PPP2R2B: variants seen among roughly 807,000 people sequenced by gnomAD.
PPP2R2B encodes the protein serine/threonine-protein phosphatase 2A 55 kDa regulatory subunit B beta isoform.
In PPP2R2B, 5 loss-of-function variants were observed where a neutral mutation model predicts 46.0. The ratio of observed to expected loss-of-function variants is 0.11; its 90% CI spans 0.06 to 0.23. The LOEUF (loss-of-function observed/expected upper bound fraction) is 0.23. Ranked by LOEUF, PPP2R2B falls within the 10% of genes least tolerant of loss-of-function variation. PPP2R2B has a pLI of 1.00. For synonymous variants in PPP2R2B, 215 were observed against 206.7 expected, an observed-to-expected ratio of 1.04 and a Z score of -0.34; for missense variants, 367 against 575.0, an observed-to-expected ratio of 0.64 and a Z score of 3.70.
intron 1 of PPP2R2B, among the ~76,000 whole-genome samples, chr5:147,052,883 A>C (rs1451288781): frequency 6.6e-6 from 1 of 152,110 alleles, no homozygotes; most frequent in Non-Finnish European, 1.5e-5. Context: ...AGCAGGCGTG[A>C]GGGCTCAGAG....
At chr5:146,981,924 A>G (rs1480733790) in intron 1 of PPP2R2B, among the ~76,000 whole-genome samples, 1 of 152,200 alleles carries the variant, frequency 6.6e-6, no homozygotes, top group Non-Finnish European at 1.5e-5. Flanking sequence ...CCAGAAGTCA[A>G]ACCCTAACCT....
intron 2 of PPP2R2B, 70 bp from the exon 3 acceptor site, chr5:146,701,212 AC>A: frequency 7.9e-7 from 1 of 1,266,922 alleles, no homozygotes; most frequent in Non-Finnish European, 1.2e-6. Flanking sequence ...TAATAGATAT[AC>A]TTTTCTGTGC....
chr5:146,972,875 T>C (rs759428913), intron 1 of PPP2R2B, among the ~76,000 whole-genome samples: 43 of 152,304 alleles, frequency 2.8e-4, no homozygotes, highest in Admixed American at 1.4e-3. Flanking sequence ...TTTTGTCAGT[T>C]GTTATGAGAA....
At chr5:146,687,955 G>A (rs1019056158) in intron 5 of PPP2R2B, among the ~76,000 whole-genome samples, 2 of 152,196 alleles carry the variant, frequency 1.3e-5, no homozygotes, top group African/African-American at 4.8e-5. Context: ...TGCTGGCAAT[G>A]CACATTTCAA....
intron 1 of PPP2R2B, among the ~76,000 whole-genome samples, chr5:146,893,882 GAAA>G (rs11341457): frequency 9.1e-5 from 11 of 121,286 alleles, no homozygotes; most frequent in Admixed American, 1.7e-4. Context: ...AAGTAAAATT[GAAA>G]AAAAAAAAAA....
intron 1 of PPP2R2B, among the ~76,000 whole-genome samples, chr5:146,902,280 T>C (rs1035772817): frequency 1.3e-4 from 20 of 152,104 alleles, no homozygotes; most frequent in African/African-American, 4.3e-4. Flanking sequence ...CAGCAAAATA[T>C]TGTCATCTCA....
At chr5:146,822,061 A>T (rs1758295819) in intron 2 of PPP2R2B, among the ~76,000 whole-genome samples, 1 of 152,216 alleles carries the variant, frequency 6.6e-6, no homozygotes, top group South Asian at 2.1e-4. Context: ...TTCAAAAATG[A>T]GTCCATCTAA....
Position 146,706,783 on chromosome 5 carries a change from G to A in PPP2R2B, c.71-5641C>T, listed in dbSNP as rs1429855228. 15 of 822,818 alleles carry A rather than the reference G, an allele frequency of 1.8e-5. 1 individual carries two copies. Among genetic ancestry groups the A allele is most frequent in the East Asian group, 7.3e-5 (3 of 41,044 alleles). 51.0% of individuals were successfully genotyped at this position (822,818 alleles called of 1,614,324 possible). ...CATACTTGATCTGATACATGCTCTCGGCCTCAGCCCGACTGCGGTTGGCGA... is the reference window on the plus strand; with the variant it reads ...CATACTTGATCTGATACATGCTCTCAGCCTCAGCCCGACTGCGGTTGGCGA... On this transcript the variant is annotated intron_variant, in intron 2 of 9. Coordinates refer to ENST00000394411, the MANE Select transcript of PPP2R2B (RefSeq NM_181675.4).
chr5:146,927,737 C>T (rs1763825756), intron 1 of PPP2R2B, among the ~76,000 whole-genome samples: 1 of 142,498 alleles, frequency 7.0e-6, no homozygotes, highest in Non-Finnish European at 1.5e-5. Context: ...ATACTTTCTT[C>T]TTTTTTTTTT....
intron 1 of PPP2R2B, among the ~76,000 whole-genome samples, chr5:146,952,111 G>A (rs1302368800): frequency 1.3e-5 from 2 of 151,436 alleles, no homozygotes; most frequent in Admixed American, 6.6e-5. Flanking sequence ...CTACGTATAT[G>A]AGTAAACTGA....
In PPP2R2B at chr5:146,694,898, C is replaced by T. The variant is rs185121795; in HGVS notation, c.334+3081G>A. On this transcript the variant is annotated intron_variant, in intron 4 of 9. Transcript: ENST00000394411. ...TATGCATTTGCCTAATCATATTTATCTATACCAACGTCTATCCCTGCAAAT... is the reference window on the plus strand; with the variant it reads ...TATGCATTTGCCTAATCATATTTATTTATACCAACGTCTATCCCTGCAAAT... Among the ~76,000 whole-genome samples, 33 of 152,128 alleles carry T rather than the reference C, an allele frequency of 2.2e-4. No individual in the cohort carries two copies. In the East Asian group the frequency reaches 6.4e-3, roughly 29 times the overall value.
chr5:147,081,112 G>A (rs1757956485), exon 2 of PPP2R2B: 2 of 1,535,694 alleles, frequency 1.3e-6, no homozygotes, highest in Non-Finnish European at 1.7e-6. Flanking sequence ...GCACCATAGT[G>A]TGTCCTGGGT....
chr5:146,771,724 T>C (rs1754866895), intron 2 of PPP2R2B, among the ~76,000 whole-genome samples: 1 of 152,202 alleles, frequency 6.6e-6, no homozygotes, highest in Non-Finnish European at 1.5e-5. Flanking sequence ...CTCCAAACAA[T>C]TTTTCTATTT....
intron 2 of PPP2R2B, among the ~76,000 whole-genome samples, chr5:146,768,407 A>G (rs1244445626): frequency 6.6e-6 from 1 of 152,094 alleles, no homozygotes; most frequent in African/African-American, 2.4e-5. Flanking sequence ...TTCCCAAGAA[A>G]TTCCTGGGGG....
intron 1 of PPP2R2B, among the ~76,000 whole-genome samples, chr5:146,953,559 T>A (rs1751726880): frequency 6.6e-6 from 1 of 152,070 alleles, no homozygotes; most frequent in African/African-American, 2.4e-5. Flanking sequence ...GTTATTTAAG[T>A]CACAAAAAGA....
chr5:146,625,381 C>G (rs17104929), intron 7 of PPP2R2B, among the ~76,000 whole-genome samples: 5,556 of 152,212 alleles, frequency 0.037, 145 homozygotes, highest in Admixed American at 0.072. Context: ...CTACTCTTTA[C>G]TGTTGGCTTT....
intron 2 of PPP2R2B, among the ~76,000 whole-genome samples, chr5:147,067,292 T>G (rs776510016): frequency 6.6e-6 from 1 of 152,226 alleles, no homozygotes. Context: ...TATCTGAAAT[T>G]TTGTATCATT....
chr5:146,816,296 T>C (rs1176564526), intron 2 of PPP2R2B, among the ~76,000 whole-genome samples: 2 of 151,962 alleles, frequency 1.3e-5, no homozygotes, highest in Non-Finnish European at 2.9e-5. Context: ...TTTTAGCTAC[T>C]AGGGAGGCTA....
intron 1 of PPP2R2B, among the ~76,000 whole-genome samples, chr5:146,984,678 C>A (rs932795098): frequency 6.6e-6 from 1 of 151,952 alleles, no homozygotes; most frequent in African/African-American, 2.4e-5. Context: ...CATAAATTTA[C>A]GTTTCCACCA....
Sources: allele counts gnomAD v4.1 joint callset (sites outside exome capture counted in the v4.1 genomes callset), GRCh38; gene constraint gnomAD v4.1.1; transcripts MANE v1.5; gene names NCBI Gene and HGNC (gene_info 2026-07-23, HGNC 2026-07-21).